TANGO6: variants seen among roughly 807,000 people sequenced by gnomAD.
The protein encoded by TANGO6 is transport and golgi organization 6 homolog.
Under a neutral mutation model 114.2 loss-of-function variants are expected in TANGO6, and 90 were observed. That is an observed-to-expected ratio of 0.79 (90% CI 0.66 to 0.94). The LOEUF (loss-of-function observed/expected upper bound fraction) is 0.94. Among genes scored for constraint, TANGO6 ranks in the 40% least tolerant of loss-of-function variants. The pLI is 0.00. For synonymous variants in TANGO6, 477 were observed against 509.8 expected (o/e 0.94, Z 0.87); for missense variants, 1,274 against 1,315.3 (o/e 0.97, Z 0.49).
intron 17 of TANGO6, among the ~76,000 whole-genome samples, chr16:69,072,402 T>G (rs929291484): frequency 6.6e-6 from 1 of 151,986 alleles, no homozygotes; most frequent in South Asian, 2.1e-4. Flanking sequence ...CTGATACAGT[T>G]GGGGGATGAA....
At chr16:68,866,629 C>CAAA (rs58469159) in intron 3 of TANGO6, among the ~76,000 whole-genome samples, 2 of 104,800 alleles carry the variant, frequency 1.9e-5, no homozygotes, top group Non-Finnish European at 1.9e-5. Context: ...GACTCCGTCT[C>CAAA]AAAAAAAAAA....
rs1354732151 is a variant in TANGO6 at position 69,012,879 on chromosome 16, T to C, written c.2843-9949T>C. 3.9e-5 allele frequency among the ~76,000 whole-genome samples: 6 copies of C among 152,276 alleles called. No individual in the cohort carries two copies. The South Asian group carries it at 1.2e-3, about 32-fold the overall frequency. ...TTCAAATAAGTTTCAACTGAGTCAATGGGAACATCTCATCTGGATAAAGAA... is the reference window on the plus strand; with the variant it reads ...TTCAAATAAGTTTCAACTGAGTCAACGGGAACATCTCATCTGGATAAAGAA... On this transcript the variant is annotated intron_variant, in intron 15 of 17. Transcript: ENST00000261778.
chr16:68,931,061 TCTC>T (rs1254876792), intron 14 of TANGO6, among the ~76,000 whole-genome samples: 3 of 152,346 alleles, frequency 2.0e-5, no homozygotes, highest in African/African-American at 7.2e-5. Context: ...TCTTTGTTGT[TCTC>T]CACATCCCCT....
chr16:69,061,988 C>G (rs977201568), intron 17 of TANGO6, among the ~76,000 whole-genome samples: 1 of 152,124 alleles, frequency 6.6e-6, no homozygotes, highest in Non-Finnish European at 1.5e-5. Flanking sequence ...CACTGGCACT[C>G]CAGCCTTGGC....
intron 16 of TANGO6, among the ~76,000 whole-genome samples, chr16:69,033,514 C>A (rs1959634297): frequency 1.3e-5 from 2 of 152,116 alleles, no homozygotes; most frequent in Admixed American, 1.3e-4. Context: ...TCTGGGGGAC[C>A]CAGAGCTGGG....
chr16:68,855,590 AG>A (rs1166164170), intron 1 of TANGO6, among the ~76,000 whole-genome samples: 2 of 151,630 alleles, frequency 1.3e-5, no homozygotes, highest in Non-Finnish European at 2.9e-5. Context: ...AAAAAAAAAA[AG>A]TTTTAAATTT....
At chr16:68,978,319 T>C (rs1597044912) in intron 15 of TANGO6, among the ~76,000 whole-genome samples, 2 of 152,182 alleles carry the variant, frequency 1.3e-5, no homozygotes, top group African/African-American at 4.8e-5. Context: ...AAAGGCTGGA[T>C]AGAGTTGAGG....
chr16:68,988,036 T>G (rs1393444365), intron 15 of TANGO6, among the ~76,000 whole-genome samples: 3 of 152,204 alleles, frequency 2.0e-5, no homozygotes, highest in Non-Finnish European at 4.4e-5. Context: ...GGGTTCTTTA[T>G]ATGTAGTGGA....
chr16:68,925,886 G>C (rs536017705), intron 12 of TANGO6, among the ~76,000 whole-genome samples: 220 of 140,896 alleles, frequency 1.6e-3, no homozygotes, highest in African/African-American at 5.2e-3. Flanking sequence ...ACTGACACTT[G>C]TTCCAATTAA....
chr16:68,968,585 G>A (rs539829019), intron 14 of TANGO6, among the ~76,000 whole-genome samples: 8 of 151,174 alleles, frequency 5.3e-5, no homozygotes, highest in East Asian at 1.9e-4. Context: ...GGCTGGTCTC[G>A]AACTCCTGAC....
At chr16:69,060,862 C>T (rs1210834679) in intron 17 of TANGO6, among the ~76,000 whole-genome samples, 1 of 151,896 alleles carries the variant, frequency 6.6e-6, no homozygotes, top group Non-Finnish European at 1.5e-5. Flanking sequence ...CGTGGTGGCG[C>T]ACGCCTGTGG....
intron 11 of TANGO6, among the ~76,000 whole-genome samples, chr16:68,916,153 A>G (rs1963001334): frequency 6.6e-6 from 1 of 152,144 alleles, no homozygotes; most frequent in African/African-American, 2.4e-5. Flanking sequence ...CAAATATTTA[A>G]TACTTAAAAA....
At position 69,040,338 on chromosome 16, in the gene TANGO6, A is replaced by G. The variant is rs1382745743; in HGVS notation, c.3025A>G (p.Thr1009Ala). 6.2e-7 allele frequency: 1 copy of G among 1,608,860 alleles called. No individual in the cohort carries two copies. ...AGCTTGCCTGATTGCTGTGGCCAAA[A>G]CAGATGGTGAAGTTCAAGTACGCAG... is the stretch of plus-strand genomic sequence containing the variant. ...VTACLIAVAK[T>A]DGEVQVRRAA... The change falls in exon 17 of 18, where the codon ACA (threonine) becomes GCA (alanine). Residue 1009 changes from threonine (T) to alanine (A), a missense_variant. Physicochemically the swap from Thr to Ala is moderately conservative, Grantham distance 58. Coordinates refer to ENST00000261778, the MANE Select transcript of TANGO6 (RefSeq NM_024562.2).
At chr16:69,002,263 A>G (rs1597053889) in intron 15 of TANGO6, among the ~76,000 whole-genome samples, 1 of 152,098 alleles carries the variant, frequency 6.6e-6, no homozygotes. Flanking sequence ...AAAACAAACC[A>G]AAAAAATAAG....
intron 17 of TANGO6, among the ~76,000 whole-genome samples, chr16:69,059,846 C>T (rs1417041326): frequency 2.6e-5 from 4 of 152,168 alleles, no homozygotes; most frequent in African/African-American, 9.7e-5. Flanking sequence ...TAAGTCTGGT[C>T]CCGACTAATA....
chr16:69,082,793 G>T (rs981163741), intron 17 of TANGO6, among the ~76,000 whole-genome samples: 3 of 152,242 alleles, frequency 2.0e-5, no homozygotes, highest in Middle Eastern at 6.8e-3. Flanking sequence ...CCGTACTGTG[G>T]GTGCCAGCAG....
At position 68,860,367 on chromosome 16, in the gene TANGO6, G is replaced by A. The variant is rs77249067; in HGVS notation, c.578G>A (p.Arg193Gln). 190 of 1,613,964 alleles carry A rather than the reference G, an allele frequency of 1.2e-4. No homozygotes were observed. The African/African-American group carries it at 2.1e-3, about 18-fold the overall frequency. Residue 193 changes from arginine (R) to glutamine (Q), a missense_variant, in exon 2 of 18, where the codon CGA (arginine) becomes CAA (glutamine). By Grantham distance (43) the Arg-to-Gln change is conservative. Transcript: ENST00000261778. ...TTTGATGCTGCCCCCGATGCAACTC[G>A]AAGACTGTACACCAGCTGCAAGGCC... ...VCFDAAPDAT[R>Q]RLYTSCKALL...
At chr16:68,967,357 C>A (rs1039143444) in intron 14 of TANGO6, among the ~76,000 whole-genome samples, 1 of 152,144 alleles carries the variant, frequency 6.6e-6, no homozygotes, top group Non-Finnish European at 1.5e-5. Context: ...TCCGTTGCCT[C>A]CAATGATCTG....
At chr16:69,036,321 A>G (rs1344352174) in intron 16 of TANGO6, among the ~76,000 whole-genome samples, 1 of 152,190 alleles carries the variant, frequency 6.6e-6, no homozygotes, top group Non-Finnish European at 1.5e-5. Context: ...CAAGCTGGTT[A>G]TGGGTGCTTG....
Sources: gnomAD v4.1 joint callset for allele counts (sites outside exome capture counted in the v4.1 genomes callset) on GRCh38, gnomAD v4.1.1 for gene constraint, MANE v1.5 for transcripts, NCBI Gene and HGNC (gene_info 2026-07-23, HGNC 2026-07-21) for gene names.